Variants in TTC34 observed in about 807,000 individuals in gnomAD.
TTC34 encodes the protein tetratricopeptide repeat domain 34, also known as tetratricopeptide repeat protein 34.
A neutral mutation model predicts 40.7 loss-of-function variants in TTC34; 44 were observed. The observed-to-expected ratio is 1.08, with a 90% CI of 0.85 to 1.39. The LOEUF (loss-of-function observed/expected upper bound fraction) is 1.39. TTC34 is among the 40% of genes most tolerant of loss of function. The pLI is 0.00. For missense variants in TTC34, 884 were observed against 838.0 expected (o/e 1.05, Z -0.68); for synonymous variants, 422 against 398.6 (o/e 1.06, Z -0.70).
chr1:2,749,814 A>C (rs1641258510), intron 6 of TTC34, among the ~76,000 whole-genome samples: 2 of 129,392 alleles, frequency 1.5e-5, no homozygotes, highest in South Asian at 2.7e-4. Context: ...CCCCCAGGTG[A>C]GCATCTGACA....
Position 2,641,828 on chromosome 1 carries a change from G to A in TTC34, c.2780C>T (p.Ser927Leu), listed in dbSNP as rs1638913104. The change falls in exon 9 of 9, where the codon TCG becomes TTG. Residue 927 changes from serine (S) to leucine (L), a missense_variant. By Grantham distance (145) the Ser-to-Leu change is moderately radical. Transcript: ENST00000401095. Reference sequence around the variant, plus strand: ...GCTGCCACTGGCCAGGACAGACAGCGAACAGTAGCCCAGCGCCTGCCTGGG... The same window carrying A: ...GCTGCCACTGGCCAGGACAGACAGCAAACAGTAGCCCAGCGCCTGCCTGGG... 7.8e-6 allele frequency: 12 copies of A among 1,531,554 alleles called. No homozygotes were observed. The highest frequency in any genetic ancestry group is 2.7e-5 in the African/African-American group (2 of 72,798). 94.9% of individuals were successfully genotyped at this position (1,531,554 alleles called of 1,614,324 possible).
intron 6 of TTC34, among the ~76,000 whole-genome samples, chr1:2,755,565 ACGGAGCAGCACCCACACCTCCC>A (rs1641476178): frequency 5.0e-5 from 1 of 19,838 alleles, no homozygotes; most frequent in Non-Finnish European, 9.8e-5. Flanking sequence ...ATCTGAAACC[ACGGAGCAGCACCCACACCTCCC>A]GGCGAGCATC....
At chr1:2,764,139 C>G (rs1307182423) in intron 6 of TTC34, among the ~76,000 whole-genome samples, 1 of 146,802 alleles carries the variant, frequency 6.8e-6, no homozygotes, top group African/African-American at 2.5e-5. Context: ...CAGAACCCCA[C>G]TCTTCCAGGT....
At chr1:2,652,076 A>G (rs1245109113) in intron 6 of TTC34, among the ~76,000 whole-genome samples, 9 of 78,272 alleles carry the variant, frequency 1.1e-4, no homozygotes, top group Non-Finnish European at 1.4e-4. Context: ...CTGGAGGAGC[A>G]CCCACACCCC....
In TTC34 at chr1:2,691,261, C is replaced by G. The variant is rs74190206; in HGVS notation, c.2227-45698G>C. ...CTGACAGCCTGCAACAGCACCCACA[C>G]CCCCAGGTGAGAATCCGACAGCCTG... On this transcript the variant is annotated intron_variant, in intron 6 of 8. Coordinates refer to ENST00000401095, the Ensembl canonical transcript of TTC34. Among the ~76,000 whole-genome samples, 3 of 77,518 alleles carry G rather than the reference C, an allele frequency of 3.9e-5. 1 individual carries two copies. The highest frequency in any genetic ancestry group is 6.3e-5 in the Non-Finnish European group (2 of 31,752). The allele number at this position is 77,518 out of a possible 152,430, so 50.9% of individuals were successfully genotyped here. A position where few individuals can be genotyped will look rare whatever the true frequency, so the allele number is the denominator to read the frequency against.
intron 2 of TTC34, among the ~76,000 whole-genome samples, chr1:2,794,305 G>A (rs2100633874): frequency 6.6e-6 from 1 of 152,266 alleles, no homozygotes; most frequent in East Asian, 1.9e-4. Context: ...CTGAGGCATG[G>A]CTATAGGTAT....
chr1:2,788,561 A>G (rs1643622502), intron 3 of TTC34, among the ~76,000 whole-genome samples: 1 of 152,162 alleles, frequency 6.6e-6, no homozygotes, highest in African/African-American at 2.4e-5. Context: ...CAATTACACG[A>G]GGGAAGTCAA....
intron 6 of TTC34, among the ~76,000 whole-genome samples, chr1:2,699,089 A>C (rs72468229): frequency 0.091 from 2,910 of 32,056 alleles, 1 homozygote; most frequent in Non-Finnish European, 0.12. Context: ...CAGCGCCCAC[A>C]CACCCAAGTG....
chr1:2,691,787 C>G (rs1396353509), intron 6 of TTC34, among the ~76,000 whole-genome samples: 5 of 94,636 alleles, frequency 5.3e-5, no homozygotes, highest in Non-Finnish European at 1.2e-4. Flanking sequence ...CCCACACCCC[C>G]AGGCGAGCAT....
chr1:2,641,034 G>T, exon 9 of TTC34: 1 of 178,686 alleles, frequency 5.6e-6, no homozygotes, highest in Non-Finnish European at 1.0e-5. Flanking sequence ...GGCAGGGAAG[G>T]GGGGTGTGGG....
At chr1:2,759,288 C>T (rs1339248866) in intron 6 of TTC34, among the ~76,000 whole-genome samples, 1 of 118,592 alleles carries the variant, frequency 8.4e-6, no homozygotes, top group Admixed American at 8.8e-5. Context: ...CCCAGGCGAG[C>T]ATCTGACGTC....
intron 6 of TTC34, among the ~76,000 whole-genome samples, chr1:2,752,749 TG>T (rs1641365554): frequency 8.5e-6 from 1 of 117,700 alleles, no homozygotes; most frequent in Non-Finnish European, 1.7e-5. Context: ...GGACAGCATC[TG>T]ACAGCGTGGA....
chr1:2,752,412 C>A lies in TTC34; in HGVS notation c.2226+31197G>T, dbSNP rs1194558282. 2.8e-3 allele frequency among the ~76,000 whole-genome samples: 379 copies of A among 135,994 alleles called. 32 individuals carry two copies. Among genetic ancestry groups the A allele is most frequent in the African/African-American group, 0.011 (362 of 34,318 alleles). The allele number at this position is 135,994 out of a possible 152,430, so 89.2% of individuals were successfully genotyped here. ...GAGAGCATGTAACAGCACCCACACACCCAGGTGAGCATCTGACAGCCTGGA... is the reference window on the plus strand; with the variant it reads ...GAGAGCATGTAACAGCACCCACACAACCAGGTGAGCATCTGACAGCCTGGA... On this transcript the variant is annotated intron_variant, in intron 6 of 8. Coordinates refer to ENST00000401095, the Ensembl canonical transcript of TTC34.
chr1:2,785,317 G>GGAGATCCCTGCA lies in TTC34; in HGVS notation c.2059+501_2059+502insTGCAGGGATCTC, dbSNP rs1643567699. On this transcript the variant is annotated intron_variant, in intron 5 of 8. Coordinates refer to ENST00000401095, the Ensembl canonical transcript of TTC34. ...TCCCTGTACCCCAGGAGATCCCTGCGAGTCCTGGGAAACATCGCCTTCCCT... is the reference window on the plus strand; with the variant it reads ...TCCCTGTACCCCAGGAGATCCCTGCGGAGATCCCTGCAAGTCCTGGGAAACATCGCCTTCCCT... Among the ~76,000 whole-genome samples, 6 of 75,262 alleles carry GGAGATCCCTGCA rather than the reference G, an allele frequency of 8.0e-5. No individual in the cohort carries two copies. In the South Asian group the frequency reaches 2.6e-3, roughly 33 times the overall value. 49.4% of individuals were successfully genotyped at this position (75,262 alleles called of 152,430 possible).
chr1:2,684,433 G>T (rs1342638145), intron 6 of TTC34, among the ~76,000 whole-genome samples: 2 of 77,792 alleles, frequency 2.6e-5, no homozygotes, highest in African/African-American at 1.1e-4. Context: ...ACACCACCCT[G>T]CACCCCCAGG....
At chr1:2,783,730 C>G in exon 6 of TTC34, 1 of 1,543,662 alleles carries the variant, frequency 6.5e-7, no homozygotes, top group Non-Finnish European at 8.7e-7. Context: ...GCCCAGGAAC[C>G]CATAGCAGCG....
chr1:2,798,539 T>C (rs1382799265), intron 2 of TTC34, among the ~76,000 whole-genome samples: 31 of 31,142 alleles, frequency 1.0e-3, no homozygotes, highest in East Asian at 2.0e-3. Context: ...CTCAGCCTCT[T>C]AGCCCCTCAG....
chr1:2,687,698 C>T (rs547115039), intron 6 of TTC34, among the ~76,000 whole-genome samples: 3 of 151,690 alleles, frequency 2.0e-5, no homozygotes, highest in South Asian at 2.1e-4. Context: ...CCCAGTTGAG[C>T]ATCTGACAGC....
intron 6 of TTC34, among the ~76,000 whole-genome samples, chr1:2,759,177 G>T (rs2100456160): frequency 8.3e-6 from 1 of 120,520 alleles, no homozygotes; most frequent in African/African-American, 3.5e-5. Flanking sequence ...GCATCTGACA[G>T]CATGTAACAG....
Sources: allele counts gnomAD v4.1 joint callset (sites outside exome capture counted in the v4.1 genomes callset), GRCh38; gene constraint gnomAD v4.1.1; transcripts MANE v1.5; gene names NCBI Gene and HGNC (gene_info 2026-07-23, HGNC 2026-07-21).